Variants in NTRK3 observed in about 807,000 individuals in gnomAD.
NTRK3 encodes the protein NT-3 growth factor receptor.
NTRK3 carries 24 observed loss-of-function variants against 91.7 expected under a neutral mutation model. The ratio of observed to expected loss-of-function variants is 0.26; its 90% CI spans 0.19 to 0.37. NTRK3 has a LOEUF of 0.37. Among genes scored for constraint, NTRK3 ranks in the 10% least tolerant of loss-of-function variants. NTRK3 has a pLI of 1.00. For missense variants in NTRK3, 880 were observed against 1,068.9 expected (o/e 0.82, Z 2.46); for synonymous variants, 483 against 404.0 (o/e 1.20, Z -2.34).
chr15:88,186,731 A>G (rs1041775564), intron 3 of NTRK3, among the ~76,000 whole-genome samples: 2 of 152,252 alleles, frequency 1.3e-5, no homozygotes, highest in African/African-American at 4.8e-5. Flanking sequence ...ACTGTCATCT[A>G]TAGCTCTCTT....
At chr15:88,103,981 T>C (rs1224136809) in intron 13 of NTRK3, among the ~76,000 whole-genome samples, 1 of 152,256 alleles carries the variant, frequency 6.6e-6, no homozygotes, top group Non-Finnish European at 1.5e-5. Flanking sequence ...TTAGGTTTTC[T>C]GTGCTACTAA....
intron 14 of NTRK3, among the ~76,000 whole-genome samples, chr15:87,963,240 T>C (rs2072473494): frequency 6.6e-6 from 1 of 152,096 alleles, no homozygotes; most frequent in Non-Finnish European, 1.5e-5. Flanking sequence ...CACTGAGCCA[T>C]CTCCCTTGTT....
At chr15:88,136,399 C>G (rs1280954352) in intron 8 of NTRK3, 68 bp downstream of exon 8, 1 of 1,606,566 alleles carries the variant, frequency 6.2e-7, no homozygotes, top group African/African-American at 1.3e-5. Context: ...CAAATTTTCC[C>G]TCTTCTTCAA....
chr15:88,140,858 G>C (rs982362532), intron 6 of NTRK3, among the ~76,000 whole-genome samples: 9 of 152,154 alleles, frequency 5.9e-5, no homozygotes, highest in African/African-American at 2.2e-4. Context: ...GCCTAGAGTG[G>C]AGTGGGAAAA....
At chr15:88,116,456 G>A (rs1388679466) in intron 13 of NTRK3, among the ~76,000 whole-genome samples, 1 of 151,946 alleles carries the variant, frequency 6.6e-6, no homozygotes, top group Non-Finnish European at 1.5e-5. Context: ...AAAAAATGGT[G>A]GTTATAGTTT....
At chr15:88,188,167 C>G (rs1477184430) in intron 3 of NTRK3, among the ~76,000 whole-genome samples, 1 of 152,182 alleles carries the variant, frequency 6.6e-6, no homozygotes, top group East Asian at 1.9e-4. Context: ...CCACAGGAAC[C>G]TGCAGCTCTG....
At chr15:87,965,775 G>A (rs1407614425) in intron 14 of NTRK3, among the ~76,000 whole-genome samples, 6 of 152,148 alleles carry the variant, frequency 3.9e-5, no homozygotes, top group Non-Finnish European at 2.9e-5. Context: ...TCATGATTCA[G>A]TATTTTTAAG....
At chr15:87,958,967 G>T (rs2071961118) in intron 14 of NTRK3, among the ~76,000 whole-genome samples, 1 of 151,950 alleles carries the variant, frequency 6.6e-6, no homozygotes, top group Admixed American at 6.6e-5. Context: ...AGCCCTCTGA[G>T]CACATCTTCA....
intron 14 of NTRK3, among the ~76,000 whole-genome samples, chr15:87,961,917 T>C: frequency 6.6e-6 from 1 of 152,216 alleles, no homozygotes; most frequent in East Asian, 1.9e-4. Context: ...TCCAGGAGCA[T>C]ACCAGAGAGG....
Position 88,128,204 on chromosome 15 carries a change from A to T in NTRK3, c.1228+507T>A, listed in dbSNP as rs570299918. On this transcript the variant is annotated intron_variant, in intron 11 of 18. Transcript: ENST00000394480. ...TTAGGATTGTCTAGCCCTAGCCCCA[A>T]ATCACTTATAAACTGAGCCTCAATA... Among the ~76,000 whole-genome samples, 19 of 152,310 alleles carry T rather than the reference A, an allele frequency of 1.2e-4. No individual in the cohort carries two copies. The South Asian group carries it at 1.5e-3, about 12-fold the overall frequency.
chr15:87,966,808 A>G (rs1254178242), intron 14 of NTRK3, among the ~76,000 whole-genome samples: 4 of 152,164 alleles, frequency 2.6e-5, no homozygotes, highest in Non-Finnish European at 4.4e-5. Context: ...CAGCTAAAGG[A>G]GGGCCCTAAA....
intron 17 of NTRK3, among the ~76,000 whole-genome samples, chr15:87,905,979 C>T (rs1013340681): frequency 6.6e-6 from 1 of 152,200 alleles, no homozygotes; most frequent in Non-Finnish European, 1.5e-5. Context: ...ACCACCCCAA[C>T]ACATCTACTG....
At chr15:87,966,851 T>A (rs2141243587) in intron 14 of NTRK3, among the ~76,000 whole-genome samples, 1 of 152,306 alleles carries the variant, frequency 6.6e-6, no homozygotes, top group East Asian at 1.9e-4. Context: ...CCAAGACTAG[T>A]GAATACTGGA....
At chr15:88,161,154 A>G (rs940560448) in intron 5 of NTRK3, among the ~76,000 whole-genome samples, 4 of 152,232 alleles carry the variant, frequency 2.6e-5, no homozygotes, top group Admixed American at 6.5e-5. Context: ...TTGGCCAGCT[A>G]TCTTTAAGGG....
chr15:88,105,292 C>G (rs771382729), intron 13 of NTRK3, among the ~76,000 whole-genome samples: 2 of 152,086 alleles, frequency 1.3e-5, no homozygotes, highest in African/African-American at 4.8e-5. Context: ...CTACATTTAA[C>G]GTGTCAGAGA....
intron 14 of NTRK3, among the ~76,000 whole-genome samples, chr15:87,976,985 TCAGACAA>T (rs2073780668): frequency 6.6e-6 from 1 of 151,748 alleles, no homozygotes; most frequent in African/African-American, 2.4e-5. Flanking sequence ...CCTTGGCTGC[TCAGACAA>T]CAGAACATTC....
chr15:87,940,375 G>T (rs2069709507), intron 15 of NTRK3, among the ~76,000 whole-genome samples: 1 of 152,184 alleles, frequency 6.6e-6, no homozygotes, highest in African/African-American at 2.4e-5. Context: ...AAAAGGACCA[G>T]GGTCATTTAC....
At chr15:88,129,663 TAATACTAAAAAGTAAGA>T (rs1461152407) in intron 10 of NTRK3, among the ~76,000 whole-genome samples, 1 of 152,138 alleles carries the variant, frequency 6.6e-6, no homozygotes, top group African/African-American at 2.4e-5. Context: ...GAATGGCTTG[TAATACTAAAAAGTAAGA>T]AAGTGCTCAA....
intron 13 of NTRK3, among the ~76,000 whole-genome samples, chr15:88,117,626 A>C (rs1212449712): frequency 6.6e-6 from 1 of 152,228 alleles, no homozygotes; most frequent in African/African-American, 2.4e-5. Flanking sequence ...AGCTGTCTGG[A>C]AATTCTAATC....
Sources: allele counts gnomAD v4.1 joint callset (sites outside exome capture counted in the v4.1 genomes callset), GRCh38; gene constraint gnomAD v4.1.1; transcripts MANE v1.5; gene names NCBI Gene and HGNC (gene_info 2026-07-23, HGNC 2026-07-21).